The following DYSF variants were observed in gnomAD, a reference collection of about 807,000 sequenced individuals.
DYSF encodes the protein dystrophy-associated fer-1-like 1.
Under a neutral mutation model 274.9 loss-of-function variants are expected in DYSF, and 212 were observed. The observed-to-expected ratio is 0.77, with a 90% CI of 0.69 to 0.86. The LOEUF is 0.86. Among genes scored for constraint, DYSF ranks in the 40% least tolerant of loss-of-function variants. The pLI, the probability that DYSF is intolerant of heterozygous loss-of-function variation, is 0.00. For missense variants in DYSF, 2,666 were observed against 2,783.2 expected (o/e 0.96, Z 0.95); for synonymous variants, 1,091 against 1,078.7 (o/e 1.01, Z -0.22).
chr2:71,667,303 C>A, intron 47 of DYSF, 73 bp from the exon 48 acceptor site: 3 of 1,607,234 alleles, frequency 1.9e-6, no homozygotes, highest in Non-Finnish European at 2.6e-6. Context: ...CCTGCTCAGC[C>A]TGTTCACTGG....
chr2:71,677,432 G>T (rs1354415918), intron 52 of DYSF, among the ~76,000 whole-genome samples: 11 of 152,158 alleles, frequency 7.2e-5, no homozygotes, highest in Admixed American at 7.2e-4. Flanking sequence ...ATTATGATTA[G>T]ATTAGGCGAA....
intron 1 of DYSF, among the ~76,000 whole-genome samples, chr2:71,476,399 A>G (rs938416647): frequency 1.1e-4 from 16 of 152,174 alleles, no homozygotes; most frequent in African/African-American, 3.9e-4. Context: ...AAATTAGCCA[A>G]GCTAGGTGGT....
intron 47 of DYSF, among the ~76,000 whole-genome samples, chr2:71,666,323 A>G (rs1447534980): frequency 2.6e-5 from 4 of 152,188 alleles, no homozygotes; most frequent in Non-Finnish European, 4.4e-5. Context: ...TAAGACCAAG[A>G]GTGGTGAACG....
chr2:71,464,564 G>T (rs2081416581), upstream of DYSF, among the ~76,000 whole-genome samples: 1 of 152,156 alleles, frequency 6.6e-6, no homozygotes, highest in African/African-American at 2.4e-5. Flanking sequence ...GGCCTGTCTG[G>T]GGAACAGCTG....
chr2:71,526,980 A>G (rs914666956), intron 13 of DYSF, among the ~76,000 whole-genome samples: 7 of 152,202 alleles, frequency 4.6e-5, no homozygotes, highest in Non-Finnish European at 1.0e-4. Context: ...CTGGTTTCTC[A>G]CAGTGGTTGG....
At chr2:71,682,372 A>G (rs1573201109) in intron 54 of DYSF, among the ~76,000 whole-genome samples, 158 bp from the exon 55 acceptor site, 1 of 151,964 alleles carries the variant, frequency 6.6e-6, no homozygotes, top group Non-Finnish European at 1.5e-5. Context: ...GGGAGAGGGA[A>G]TGCAAGGTGC....
chr2:71,617,366 C>G (rs539369097), intron 40 of DYSF, among the ~76,000 whole-genome samples: 1 of 152,290 alleles, frequency 6.6e-6, no homozygotes, highest in South Asian at 2.1e-4. Flanking sequence ...CTTGGAGTCT[C>G]CTGGCCCTGC....
intron 51 of DYSF, 88 bp downstream of exon 51, chr2:71,669,834 G>C: frequency 6.4e-7 from 1 of 1,571,210 alleles, no homozygotes; most frequent in Non-Finnish European, 8.7e-7. Context: ...CCTGGCAACT[G>C]TCACAATCTC....
At position 71,534,918 on chromosome 2, in the gene DYSF, C is replaced by T. The variant is rs1294314225; in HGVS notation, c.1381-103C>T. The T allele has an allele frequency of 9.5e-6, 12 of 1,265,118 alleles. No homozygotes were observed. The East Asian group carries it at 2.8e-4, about 29-fold the overall frequency. 78.4% of individuals were successfully genotyped at this position (1,265,118 alleles called of 1,614,324 possible). A position where few individuals can be genotyped will look rare whatever the true frequency, so the allele number is the denominator to read the frequency against. On this transcript the variant is annotated intron_variant, in intron 14 of 55. Transcript: ENST00000410020. ...AGGGTCTTACACCCAGCCCTAAGGG[C>T]AGCCAGCATGGCAGAGAATGGTCAC...
rs1020805868 is a variant in DYSF, at chr2:71,658,920, C to G, written c.4798C>G (p.Pro1600Ala). 4 of 1,614,092 alleles carry G rather than the reference C, an allele frequency of 2.5e-6. No individual in the cohort carries two copies. The African/African-American group carries it at 5.3e-5, about 22-fold the overall frequency. Residue 1600 changes from proline to alanine, a missense_variant, in exon 44 of 56, where the codon CCC becomes GCC. Pro to Ala is a conservative substitution (Grantham distance 27, BLOSUM62 -1). This residue lies in a region of DYSF where 1,460 missense variants were observed against 1,502.1 expected (regional missense o/e 0.97). Coordinates refer to ENST00000410020, the MANE Select transcript of DYSF (RefSeq NM_001130987.2). ...TCCCCTCCCAGAAGACCCAGCCATC[C>G]CCATGCCCCCAAGACAGTTCCACCA... ...IYPLPEDPAI[P>A]MPPRQFHQLA...
At chr2:71,566,900 C>T (rs1398770636) in intron 24 of DYSF, among the ~76,000 whole-genome samples, 1 of 152,192 alleles carries the variant, frequency 6.6e-6, no homozygotes, top group African/African-American at 2.4e-5. Context: ...TCCTGAGCCT[C>T]CTACCTGCCC....
chr2:71,453,945 C>A (rs1303634183), exon 1 of DYSF: 1 of 1,592,234 alleles, frequency 6.3e-7, no homozygotes, highest in Non-Finnish European at 8.6e-7. Flanking sequence ...GCCCTCCCGA[C>A]CTTTCCGAGC....
rs534102398 is a variant in DYSF, at chr2:71,681,851, C to T, written c.6174-679C>T. Among the ~76,000 whole-genome samples, 108 of 152,326 alleles carry T rather than the reference C, an allele frequency of 7.1e-4. 1 individual carries two copies. The highest frequency in any genetic ancestry group is 2.0e-3 in the African/African-American group (83 of 41,580). ...TTAGTCACCATGCTGTGATTAGCAC[C>T]GTGTGCCTGAGTGCCATGGGGCTGG... On this transcript the variant is annotated intron_variant, in intron 54 of 55. Coordinates refer to ENST00000410020, the MANE Select transcript of DYSF (RefSeq NM_001130987.2).
At chr2:71,634,830 G>C (rs1286320736) in intron 41 of DYSF, among the ~76,000 whole-genome samples, 6 of 152,110 alleles carry the variant, frequency 3.9e-5, no homozygotes, top group Non-Finnish European at 8.8e-5. Context: ...GACATTTAGA[G>C]ACCCACTGAT....
At position 71,454,153 on chromosome 2, in the gene DYSF, A is replaced by G. The variant is rs1320144945; in HGVS notation, c.88+67A>G. The G allele has an allele frequency of 2.8e-6, 4 of 1,447,184 alleles. No homozygotes were observed. In the East Asian group the frequency reaches 9.6e-5, roughly 35 times the overall value. The allele number at this position is 1,447,184 out of a possible 1,614,324, so 89.6% of individuals were successfully genotyped here. A position where few individuals can be genotyped will look rare whatever the true frequency, so the allele number is the denominator to read the frequency against. On this transcript the variant is annotated intron_variant, in intron 1 of 54. Coordinates refer to the DYSF transcript ENST00000258104. ...TAGAGGAGGGGACGCCGCGGCTCTC[A>G]ACCCTGGAGAGCACCTAGAGCTGAG...
At chr2:71,513,124 C>A in intron 5 of DYSF, 116 bp from the exon 6 acceptor site, 3 of 960,544 alleles carry the variant, frequency 3.1e-6, no homozygotes, top group Non-Finnish European at 4.9e-6. Flanking sequence ...CTGAGCTTTG[C>A]ACCAGGCTGG....
intron 17 of DYSF, among the ~76,000 whole-genome samples, chr2:71,549,776 G>A (rs940018342): frequency 6.6e-6 from 1 of 152,124 alleles, no homozygotes; most frequent in Non-Finnish European, 1.5e-5. Context: ...AAAACTCTTG[G>A]AGTTGAAATC....
chr2:71,617,134 C>T (rs185325453), intron 40 of DYSF, among the ~76,000 whole-genome samples: 103 of 152,304 alleles, frequency 6.8e-4, no homozygotes, highest in African/African-American at 2.5e-3. Context: ...TCTTGCTTAG[C>T]ATTCCGAGAG....
At position 71,513,267 on chromosome 2, in the gene DYSF, G is replaced by T. The variant is rs945151877; in HGVS notation, c.488G>T (p.Trp163Leu). 1.2e-5 allele frequency: 18 copies of T among 1,551,464 alleles called. No homozygotes were observed. Among genetic ancestry groups the T allele is most frequent in the African/African-American group, 2.7e-5 (2 of 73,006 alleles). ...GGGGGACAGAGCCGGGCCGAGACTT[G>T]GTCCCTGCTCAGTGACAGCACCATG... is the stretch of plus-strand genomic sequence containing the variant. ...AGGGQSRAETWSLLSDSTMDT... is the reference protein window; with the variant it reads ...AGGGQSRAETLSLLSDSTMDT... The change falls in exon 6 of 56, where the codon TGG (tryptophan) becomes TTG (leucine). Residue 163 changes from tryptophan to leucine, a missense_variant. Around this residue, in one of 3 missense-constraint regions of DYSF, gnomAD observed 794 missense variants for 777.1 expected, o/e 1.02. Coordinates refer to ENST00000410020, the MANE Select transcript of DYSF (RefSeq NM_001130987.2).
Sources: gnomAD v4.1 joint callset for allele counts (sites outside exome capture counted in the v4.1 genomes callset) on GRCh38, gnomAD v4.1.1 for gene constraint, gnomAD v4.1.1 regional missense constraint, MANE v1.5 for transcripts, NCBI Gene and HGNC (gene_info 2026-07-23, HGNC 2026-07-21) for gene names.